Variants in SDK1 observed in about 807,000 individuals in gnomAD.
SDK1 encodes the protein sidekick cell adhesion molecule 1.
SDK1 carries 157 observed loss-of-function variants against 245.5 expected under a neutral mutation model. That is an observed-to-expected ratio of 0.64 (90% confidence interval 0.56 to 0.73). SDK1 has a LOEUF of 0.73. Ranked by LOEUF, SDK1 falls within the 30% of genes least tolerant of loss-of-function variation. The probability of loss-of-function intolerance (pLI) is 0.00; values close to 1 mark genes in which losing one functional copy is unlikely to be tolerated. For missense variants in SDK1, 3,583 were observed against 3,002.3 expected (o/e 1.19, Z -4.52); for synonymous variants, 1,647 against 1,278.5 (o/e 1.29, Z -6.15).
intron 22 of SDK1, among the ~76,000 whole-genome samples, chr7:4,109,314 A>C (rs1248542158): frequency 6.6e-6 from 1 of 152,188 alleles, no homozygotes; most frequent in Non-Finnish European, 1.5e-5. Context: ...GAAGCAAGCC[A>C]CCAGCATGCC....
chr7:3,334,778 A>G (rs901701518), intron 1 of SDK1, among the ~76,000 whole-genome samples: 5 of 151,756 alleles, frequency 3.3e-5, no homozygotes, highest in Non-Finnish European at 7.4e-5. Flanking sequence ...TCTAGCTTCA[A>G]CCTTTCCCAG....
chr7:4,055,598 T>C (rs1287615651), intron 19 of SDK1, among the ~76,000 whole-genome samples: 1 of 152,044 alleles, frequency 6.6e-6, no homozygotes, highest in African/African-American at 2.4e-5. Flanking sequence ...GTTCCAGGTC[T>C]CCTCTTCTTC....
intron 5 of SDK1, among the ~76,000 whole-genome samples, chr7:3,891,264 C>T (rs965599930): frequency 3.3e-5 from 5 of 152,170 alleles, no homozygotes; most frequent in South Asian, 2.1e-4. Flanking sequence ...GGGCCTCAGT[C>T]GTGCTCCCGG....
intron 28 of SDK1, among the ~76,000 whole-genome samples, chr7:4,136,865 C>T (rs1326724781): frequency 2.6e-5 from 4 of 152,224 alleles, no homozygotes; most frequent in African/African-American, 4.8e-5. Flanking sequence ...GCAGATTCAG[C>T]GTTTTGATCC....
intron 1 of SDK1, among the ~76,000 whole-genome samples, chr7:3,603,524 A>G (rs533270675): frequency 5.9e-5 from 9 of 151,920 alleles, no homozygotes; most frequent in African/African-American, 1.7e-4. Flanking sequence ...ATTTTTGTAC[A>G]TTGATTTTGT....
At chr7:3,659,363 TAAAG>T (rs1055748614) in intron 4 of SDK1, among the ~76,000 whole-genome samples, 5 of 151,922 alleles carry the variant, frequency 3.3e-5, no homozygotes, top group Admixed American at 6.6e-5. Context: ...ACCAAACACA[TAAAG>T]AAAGTCAGGT....
intron 25 of SDK1, among the ~76,000 whole-genome samples, chr7:4,124,370 A>T (rs1784248169): frequency 6.6e-6 from 1 of 152,190 alleles, no homozygotes; most frequent in Non-Finnish European, 1.5e-5. Context: ...CCTCTCCAGC[A>T]TCTGGTGGTT....
rs192903913 is a variant in SDK1 at position 3,497,861 on chromosome 7, A to G, written c.299-121219A>G. On this transcript the variant is annotated intron_variant, in intron 1 of 44. Transcript: ENST00000404826. ...ACCCCATCTAATCCCCTCACTGCACATCTTAATCCCTGATGGACTTTTCTC... is the reference window on the plus strand; with the variant it reads ...ACCCCATCTAATCCCCTCACTGCACGTCTTAATCCCTGATGGACTTTTCTC... Among the ~76,000 whole-genome samples the G allele has an allele frequency of 5.3e-5, 8 of 152,302 alleles. No homozygotes were observed. In the East Asian group the frequency reaches 1.5e-3, roughly 29 times the overall value.
intron 1 of SDK1, among the ~76,000 whole-genome samples, chr7:3,596,528 A>G (rs977482790): frequency 6.6e-6 from 1 of 152,174 alleles, no homozygotes; most frequent in Non-Finnish European, 1.5e-5. Context: ...AGTTTTGACA[A>G]ACGCATGGAC....
intron 4 of SDK1, among the ~76,000 whole-genome samples, chr7:3,754,223 C>G (rs956093675): frequency 2.6e-5 from 4 of 152,104 alleles, no homozygotes; most frequent in African/African-American, 9.7e-5. Context: ...GCTTCATACC[C>G]CAGGGATTTA....
chr7:4,076,587 A>T lies in SDK1; in HGVS notation c.3011-411A>T, dbSNP rs1780696403. Among the ~76,000 whole-genome samples the T allele has an allele frequency of 2.6e-5, 4 of 152,182 alleles. No homozygotes were observed. In the South Asian group the frequency reaches 6.2e-4, roughly 24 times the overall value. On this transcript the variant is annotated intron_variant, in intron 20 of 44. Transcript: ENST00000404826. Reference sequence around the variant, plus strand: ...ACATACATACATATATACATACATAACATTTTTTAGTGGAATTATTGGTGA... The same window carrying T: ...ACATACATACATATATACATACATATCATTTTTTAGTGGAATTATTGGTGA...
chr7:4,194,277 TAGATATATGTATGC>T (rs1783418571), intron 35 of SDK1, among the ~76,000 whole-genome samples: 3 of 149,574 alleles, frequency 2.0e-5, no homozygotes, highest in Non-Finnish European at 3.0e-5. Flanking sequence ...TATACATGTA[TAGATATATGTATGC>T]ACGTATGTGT....
intron 14 of SDK1, among the ~76,000 whole-genome samples, chr7:4,005,038 C>T (rs1410514528): frequency 1.6e-5 from 2 of 124,098 alleles, no homozygotes; most frequent in African/African-American, 3.2e-5. Context: ...GGTTCCTGCA[C>T]CTTTTTTTTT....
At chr7:4,102,212 G>A (rs1380068278) in intron 22 of SDK1, among the ~76,000 whole-genome samples, 1 of 152,092 alleles carries the variant, frequency 6.6e-6, no homozygotes, top group African/African-American at 2.4e-5. Context: ...GGGCCTTCCT[G>A]GTTTCCTGTG....
chr7:3,487,415 T>G (rs1407657990), intron 1 of SDK1, among the ~76,000 whole-genome samples: 1 of 151,878 alleles, frequency 6.6e-6, no homozygotes, highest in East Asian at 1.9e-4. Flanking sequence ...TTGTGAAAAT[T>G]GGTTTGGGTC....
chr7:3,982,355 GTT>G (rs1783474459), intron 13 of SDK1, among the ~76,000 whole-genome samples: 1 of 152,182 alleles, frequency 6.6e-6, no homozygotes, highest in African/African-American at 2.4e-5. Flanking sequence ...ATGAATGTGG[GTT>G]TCATGCCTGC....
chr7:3,957,129 A>C (rs967335022), intron 7 of SDK1, among the ~76,000 whole-genome samples: 2 of 152,190 alleles, frequency 1.3e-5, no homozygotes, highest in African/African-American at 4.8e-5. Flanking sequence ...TGAAATGACA[A>C]ACCTACAGAA....
At chr7:3,867,008 C>A (rs567154836) in intron 5 of SDK1, among the ~76,000 whole-genome samples, 30 of 152,274 alleles carry the variant, frequency 2.0e-4, no homozygotes, top group African/African-American at 7.2e-4. Context: ...AGGTTAACAA[C>A]AAAGTGGCTC....
chr7:3,439,465 T>A (rs1011228548), intron 1 of SDK1, among the ~76,000 whole-genome samples: 1 of 152,168 alleles, frequency 6.6e-6, no homozygotes, highest in Admixed American at 6.5e-5. Context: ...TTGGTCAACC[T>A]TTCCTAAGAC....
Sources: allele counts gnomAD v4.1 joint callset (sites outside exome capture counted in the v4.1 genomes callset), GRCh38; gene constraint gnomAD v4.1.1; transcripts MANE v1.5; gene names NCBI Gene and HGNC (gene_info 2026-07-23, HGNC 2026-07-21).